Variants in PPP1R13L observed in about 807,000 individuals in gnomAD.
The protein encoded by PPP1R13L is relA-associated inhibitor.
PPP1R13L carries 50 observed loss-of-function variants against 80.9 expected under a neutral mutation model. The ratio of observed to expected loss-of-function variants is 0.62; its 90% confidence interval spans 0.49 to 0.78. The LOEUF is 0.78. Among genes scored for constraint, PPP1R13L ranks in the 30% least tolerant of loss-of-function variants. The pLI, the probability that PPP1R13L is intolerant of heterozygous loss-of-function variation, is 0.00. For missense variants in PPP1R13L, 1,200 were observed against 1,205.9 expected, an observed-to-expected ratio of 1.00 and a Z score of 0.07; for synonymous variants, 602 against 534.3, an observed-to-expected ratio of 1.13 and a Z score of -1.75.
chr19:45,393,613 G>A lies in PPP1R13L; in HGVS notation c.1355-1273C>T, dbSNP rs34272893. ...ATCTTGGCTGGGCACGGTGGTTCAC[G>A]CCTGTAATCCCAGCACTTTGGGAGG... On this transcript the variant is annotated intron_variant, in intron 7 of 12. Coordinates refer to ENST00000360957, the MANE Select transcript of PPP1R13L (RefSeq NM_006663.4). Among the ~76,000 whole-genome samples the A allele has an allele frequency of 1.4e-3, 215 of 151,998 alleles. 1 individual carries two copies. The highest frequency in any genetic ancestry group is 4.8e-3 in the African/African-American group (197 of 41,438).
rs143023773 is a variant in PPP1R13L at position 45,392,198 on chromosome 19, C to T, written c.1497G>A (p.Pro499=). The T allele has an allele frequency of 9.1e-5, 146 of 1,611,618 alleles. No homozygotes were observed. The highest frequency in any genetic ancestry group is 1.1e-4 in the Non-Finnish European group (129 of 1,178,580). Reference sequence around the variant, plus strand: ...CCAGCTCGGGCACCGACTGTGCCTCCGGTGGCAGTGCTGGCTGCAGCCTCG... The same window carrying T: ...CCAGCTCGGGCACCGACTGTGCCTCTGGTGGCAGTGCTGGCTGCAGCCTCG... ...SPTRLQPALP[P]EAQSVPELEE... The change falls in exon 8 of 13, where the codon CCG becomes CCA. Residue 499 remains proline, a synonymous_variant. Transcript: ENST00000360957.
Position 45,386,110 on chromosome 19 carries a change from A to C in PPP1R13L, c.1886T>G (p.Val629Gly), listed in dbSNP as rs1267610127. ...GGTCAGCGCCGCGTCCAGGAGGAGCACCAGAGGGTTGAGGCGCGCGCGGCG... is the reference window on the plus strand; with the variant it reads ...GGTCAGCGCCGCGTCCAGGAGGAGCCCCAGAGGGTTGAGGCGCGCGCGGCG... ...KARRARLNPL[V>G]LLLDAALTGE... is the part of the protein sequence containing the mutation. The change falls in exon 9 of 13, where the codon GTG becomes GGG. Residue 629 changes from valine (V) to glycine (G), a missense_variant. Val to Gly is a moderately radical substitution (Grantham distance 109). This residue lies in a region of PPP1R13L where 214 missense variants were observed against 199.6 expected (regional missense o/e 1.07). Coordinates refer to ENST00000360957, the MANE Select transcript of PPP1R13L (RefSeq NM_006663.4). The C allele has an allele frequency of 9.5e-6, 15 of 1,571,122 alleles. No individual in the cohort carries two copies. The highest frequency in any genetic ancestry group is 1.3e-5 in the Non-Finnish European group (15 of 1,165,852).
chr19:45,397,219 G>C (rs942546330), intron 3 of PPP1R13L, among the ~76,000 whole-genome samples, 161 bp from the exon 4 acceptor site: 1 of 152,062 alleles, frequency 6.6e-6, no homozygotes, highest in African/African-American at 2.4e-5. Context: ...AGTAGTGGTG[G>C]GGAGACAGCC....
chr19:45,380,618 G>C (rs1411689249), intron 12 of PPP1R13L, among the ~76,000 whole-genome samples: 7 of 152,056 alleles, frequency 4.6e-5, no homozygotes, highest in African/African-American at 1.7e-4. Context: ...AGGAGTTCAA[G>C]ACAAGCCTGG....
intron 1 of PPP1R13L, 32 bp downstream of exon 1, chr19:45,404,967 G>A: frequency 1.0e-6 from 1 of 984,894 alleles, no homozygotes; most frequent in Non-Finnish European, 1.2e-6. Flanking sequence ...GGCTTTTTCA[G>A]GGCCTCTGGT....
At chr19:45,386,251 C>T (rs1972867504) in intron 8 of PPP1R13L, 71 bp from the exon 9 acceptor site, 1 of 1,425,458 alleles carries the variant, frequency 7.0e-7, no homozygotes, top group South Asian at 1.5e-5. Context: ...GAGTAGGAAA[C>T]AGAGGTCCAG....
chr19:45,396,704 G>GA lies in PPP1R13L; in HGVS notation c.552_553insT (p.Arg185SerfsTer70). On this transcript the variant is annotated frameshift_variant, in exon 4 of 13. Coordinates refer to ENST00000360957, the MANE Select transcript of PPP1R13L (RefSeq NM_006663.4). LOFTEE classifies it high-confidence loss of function. This position sits in a 1 kb window ranked among gnomAD's most constrained non-coding sequence, Gnocchi z 5.3. The stretch of plus-strand genomic sequence containing the variant: ...GGCCCCTCCGCCAGGGGGCTGCCGC[G>GA]GGGGGAGCCTGCGCGGCCCAGGAAG... The GA allele has an allele frequency of 7.1e-7, 1 of 1,406,012 alleles. No individual in the cohort carries two copies. Among genetic ancestry groups the GA allele is most frequent in the Non-Finnish European group, 9.2e-7 (1 of 1,089,670 alleles). 87.1% of individuals were successfully genotyped at this position (1,406,012 alleles called of 1,614,324 possible). A position where few individuals can be genotyped will look rare whatever the true frequency, so the allele number is the denominator to read the frequency against.
chr19:45,396,549 C>T lies in PPP1R13L; in HGVS notation c.708G>A (p.Ala236=). The change falls in exon 4 of 13, where the codon GCG becomes GCA. Residue 236 remains alanine (A), a synonymous_variant. Coordinates refer to ENST00000360957, the MANE Select transcript of PPP1R13L (RefSeq NM_006663.4). The surrounding 1 kb of genome is among the most constrained non-coding windows in gnomAD (Gnocchi z 5.3). ...GGSAFAPPLR[A]QDDLTLRRRP... is the part of the protein sequence containing the mutation. ...GCGAGGGGCCCCTGGGTTCACCTTGCGCGCGCAGAGGCGGGGCGAATGCGC... is the reference window on the plus strand; with the variant it reads ...GCGAGGGGCCCCTGGGTTCACCTTGTGCGCGCAGAGGCGGGGCGAATGCGC... 3 of 1,551,500 alleles carry T rather than the reference C, an allele frequency of 1.9e-6. No homozygotes were observed. The highest frequency in any genetic ancestry group is 2.6e-6 in the Non-Finnish European group (3 of 1,155,472).
At chr19:45,389,375 T>G (rs1180882676) in intron 8 of PPP1R13L, among the ~76,000 whole-genome samples, 1 of 152,178 alleles carries the variant, frequency 6.6e-6, no homozygotes, top group African/African-American at 2.4e-5. Context: ...TGTTCAGGAC[T>G]GTTCCATGTG....
intron 1 of PPP1R13L, among the ~76,000 whole-genome samples, chr19:45,399,372 T>C (rs564546094): frequency 1.1e-3 from 163 of 144,498 alleles, no homozygotes; most frequent in Admixed American, 1.7e-3. Flanking sequence ...CGCCTGTAAT[T>C]CCAGCACTTT....
At chr19:45,401,147 C>A (rs1166436325) in intron 1 of PPP1R13L, among the ~76,000 whole-genome samples, 1 of 150,960 alleles carries the variant, frequency 6.6e-6, no homozygotes, top group Non-Finnish European at 1.5e-5. Flanking sequence ...AGGTCAGGAG[C>A]TCGAGACCAT....
chr19:45,385,387 G>A (rs1599763479), intron 11 of PPP1R13L, among the ~76,000 whole-genome samples, 175 bp downstream of exon 11: 1 of 152,346 alleles, frequency 6.6e-6, no homozygotes, highest in Non-Finnish European at 1.5e-5. Flanking sequence ...TCCCTTAGGA[G>A]GGCATAGTCC....
chr19:45,396,889 G>A lies in PPP1R13L; in HGVS notation c.368C>T (p.Thr123Ile). 4 of 1,525,630 alleles carry A rather than the reference G, an allele frequency of 2.6e-6. No homozygotes were observed. The highest frequency in any genetic ancestry group is 3.5e-6 in the Non-Finnish European group (4 of 1,144,422). The allele number at this position is 1,525,630 out of a possible 1,614,324, so 94.5% of individuals were successfully genotyped here. Residue 123 changes from threonine to isoleucine, a missense_variant, in exon 4 of 13, where the codon ACC becomes ATC. Thr to Ile is a moderately conservative substitution (Grantham distance 89). This residue lies in a region of PPP1R13L where 764 missense variants were observed against 714.5 expected (regional missense o/e 1.07). Transcript: ENST00000360957. The surrounding 1 kb of genome is among the most constrained non-coding windows in gnomAD (Gnocchi z 5.3). The stretch of plus-strand genomic sequence containing the variant: ...GGCGTCCGGCTGCAGGTAGAGCGGG[G>A]TGCGCGGCGACGACGGCCGTCCCTT... ...SPKGRPSSPRTPLYLQPDAYG... is the reference protein window; with the variant it reads ...SPKGRPSSPRIPLYLQPDAYG...
chr19:45,391,672 C>A (rs1270593913), intron 8 of PPP1R13L, among the ~76,000 whole-genome samples: 1 of 152,166 alleles, frequency 6.6e-6, no homozygotes, highest in Non-Finnish European at 1.5e-5. Flanking sequence ...AGGCTTACTC[C>A]CCGATGGATG....
chr19:45,399,448 C>A lies in PPP1R13L; in HGVS notation c.-21-1109G>T, dbSNP rs1159071387. ...GACCATCCTGGCTAACATGGTGAAA[C>A]CCCGTCTCTACTAAAAATACCAAAA... On this transcript the variant is annotated intron_variant, in intron 1 of 12. Transcript: ENST00000360957. Among the ~76,000 whole-genome samples, 5 of 148,926 alleles carry A rather than the reference C, an allele frequency of 3.4e-5. No individual in the cohort carries two copies. In the East Asian group the frequency reaches 6.2e-4, roughly 18 times the overall value.
intron 8 of PPP1R13L, among the ~76,000 whole-genome samples, chr19:45,390,331 C>T (rs938495737): frequency 1.4e-4 from 21 of 152,200 alleles, no homozygotes; most frequent in African/African-American, 5.1e-4. Context: ...AAGCAAAACG[C>T]TGGAAAAAAA....
chr19:45,382,586 C>G lies in PPP1R13L; in HGVS notation c.2389G>C (p.Asp797His). Residue 797 changes from aspartate to histidine, a missense_variant, in exon 12 of 13, where the codon GAC becomes CAC. Asp to His is a moderately conservative substitution (Grantham distance 81). Coordinates refer to ENST00000360957, the MANE Select transcript of PPP1R13L (RefSeq NM_006663.4). ...VLRRDGPEET[D>H]WWWAALHGQE... is the part of the protein sequence containing the mutation. ...CCGTGCAGCGCGGCCCACCACCAGT[C>G]GGTCTCCTCCGGCCCGTCCCTCCGC... The G allele has an allele frequency of 6.2e-7, 1 of 1,613,534 alleles. No homozygotes were observed. The highest frequency in any genetic ancestry group is 8.5e-7 in the Non-Finnish European group (1 of 1,179,952).
At chr19:45,395,119 A>C in intron 7 of PPP1R13L, 1 of 296,530 alleles carries the variant, frequency 3.4e-6, no homozygotes, top group East Asian at 9.4e-5. Context: ...TGCTGGGATT[A>C]CAGGCATGAG....
intron 8 of PPP1R13L, among the ~76,000 whole-genome samples, chr19:45,388,591 T>A (rs1972911960): frequency 6.6e-6 from 1 of 152,048 alleles, no homozygotes; most frequent in Non-Finnish European, 1.5e-5. Context: ...AATAACCCTC[T>A]ATTACAACAT....
Sources: allele counts gnomAD v4.1 joint callset (sites outside exome capture counted in the v4.1 genomes callset), GRCh38; gene constraint gnomAD v4.1.1; regional missense constraint gnomAD v4.1.1; non-coding constraint Gnocchi (gnomAD v3.1); transcripts MANE v1.5; gene names NCBI Gene and HGNC (gene_info 2026-07-23, HGNC 2026-07-21).